Variants in GMEB1 observed in about 807,000 individuals in gnomAD.
The protein encoded by GMEB1 is glucocorticoid modulatory element-binding protein 1.
Under a neutral mutation model 52.4 loss-of-function variants are expected in GMEB1, and 6 were observed. The ratio of observed to expected loss-of-function variants is 0.11; its 90% CI spans 0.06 to 0.23. The LOEUF is 0.23. Ranked by LOEUF, GMEB1 falls within the 10% of genes least tolerant of loss-of-function variation. The pLI, the probability that GMEB1 is intolerant of heterozygous loss-of-function variation, is 1.00. For synonymous variants in GMEB1, 255 were observed against 244.9 expected, an observed-to-expected ratio of 1.04 and a Z score of -0.38; for missense variants, 486 against 685.6, an observed-to-expected ratio of 0.71 and a Z score of 3.25.
At chr1:28,675,679 CAAAAAAAAA>C (rs11316891) in intron 1 of GMEB1, among the ~76,000 whole-genome samples, 1 of 100,166 alleles carries the variant, frequency 1.0e-5, no homozygotes, top group African/African-American at 4.5e-5. Flanking sequence ...GACTCTGTCT[CAAAAAAAAA>C]AAAAAAAGAA....
At chr1:28,709,812 A>C (rs1670962549) in intron 8 of GMEB1, among the ~76,000 whole-genome samples, 1 of 152,032 alleles carries the variant, frequency 6.6e-6, no homozygotes, top group East Asian at 1.9e-4. Context: ...TTTTTGTTAG[A>C]GACTGGGATT....
chr1:28,683,569 C>T lies in GMEB1; in HGVS notation c.-30-14C>T, dbSNP rs753452184. 2 of 1,570,004 alleles carry T rather than the reference C, an allele frequency of 1.3e-6. No homozygotes were observed. Among genetic ancestry groups the T allele is most frequent in the South Asian group, 2.4e-5 (2 of 84,876 alleles). ...AAACCAGATTAAGTTATTGGTGCTT[C>T]TTGTTCCCGACAGCAGTCCCAGCTA... On this transcript the variant is annotated splice_polypyrimidine_tract_variant and intron_variant, in intron 1 of 9. Coordinates refer to ENST00000373816, the MANE Select transcript of GMEB1 (RefSeq NM_001319674.2).
Position 28,714,935 on chromosome 1 carries a change from C to T in GMEB1, c.*162C>T, listed in dbSNP as rs2124603870. ...AAATGTTGGGTTCTTCCCACTCCCTCATTGAAAAATGGACAAAACAAGCTG... is the reference window on the plus strand; with the variant it reads ...AAATGTTGGGTTCTTCCCACTCCCTTATTGAAAAATGGACAAAACAAGCTG... On this transcript the variant is annotated 3_prime_UTR_variant, in exon 10 of 10. Coordinates refer to ENST00000373816, the MANE Select transcript of GMEB1 (RefSeq NM_001319674.2). The T allele has an allele frequency of 3.3e-6, 2 of 603,562 alleles. No individual in the cohort carries two copies. Among genetic ancestry groups the T allele is most frequent in the Non-Finnish European group, 5.7e-6 (2 of 350,300 alleles). The allele number at this position is 603,562 out of a possible 1,614,324, so 37.4% of individuals were successfully genotyped here.
intron 8 of GMEB1, 148 bp downstream of exon 8, chr1:28,704,477 C>G: frequency 1.8e-6 from 1 of 562,398 alleles, no homozygotes; most frequent in Admixed American, 3.8e-5. Context: ...TAAGTTAAGT[C>G]ACTTGTCTAA....
chr1:28,683,593 T>C lies in GMEB1; in HGVS notation c.-20T>C. On this transcript the variant is annotated 5_prime_UTR_variant, in exon 2 of 10. Transcript: ENST00000373816. The stretch of plus-strand genomic sequence containing the variant: ...TCTTGTTCCCGACAGCAGTCCCAGC[T>C]ATCTGACTTCATGTGAAAGATGGCT... The C allele has an allele frequency of 6.3e-7, 1 of 1,589,244 alleles. No homozygotes were observed. The highest frequency in any genetic ancestry group is 1.1e-5 in the South Asian group (1 of 87,260).
intron 8 of GMEB1, among the ~76,000 whole-genome samples, chr1:28,710,192 CAG>C (rs1670980942): frequency 1.3e-5 from 2 of 152,168 alleles, no homozygotes; most frequent in East Asian, 1.9e-4. Context: ...TAAGTAGAGA[CAG>C]GGGTCTCACT....
intron 1 of GMEB1, among the ~76,000 whole-genome samples, chr1:28,679,063 T>C (rs1443107327): frequency 6.6e-6 from 1 of 151,990 alleles, no homozygotes; most frequent in Non-Finnish European, 1.5e-5. Flanking sequence ...AATTTTTGTA[T>C]TTTTAGCAGA....
rs1668728938 is a variant in GMEB1 at position 28,668,857 on chromosome 1, TGGGCGCGC to T, written c.-31+26_-31+33del. On this transcript the variant is annotated intron_variant, in intron 1 of 9. Coordinates refer to ENST00000373816, the MANE Select transcript of GMEB1 (RefSeq NM_001319674.2). Reference sequence around the variant, plus strand: ...CGGAGACGGTGAGGAGGGGGAGGGGTGGGCGCGCGGGCGCGGGGTGGGGTGGGGGCGGG... The same window carrying T: ...CGGAGACGGTGAGGAGGGGGAGGGGTGGGCGCGGGGTGGGGTGGGGGCGGG... 1 of 17,576 alleles carries T rather than the reference TGGGCGCGC, an allele frequency of 5.7e-5. No individual in the cohort carries two copies. The highest frequency in any genetic ancestry group is 5.6e-4 in the Admixed American group (1 of 1,774). 1.1% of individuals were successfully genotyped at this position (17,576 alleles called of 1,614,324 possible). A position where few individuals can be genotyped will look rare whatever the true frequency, so the allele number is the denominator to read the frequency against.
intron 8 of GMEB1, among the ~76,000 whole-genome samples, chr1:28,708,375 A>G (rs1352243412): frequency 6.6e-6 from 1 of 151,618 alleles, no homozygotes; most frequent in Non-Finnish European, 1.5e-5. Flanking sequence ...TGTGTTAGCC[A>G]GGATGGTCTC....
chr1:28,668,897 G>GGCGCGGGGGCC (rs1434585728), intron 1 of GMEB1, 58 bp downstream of exon 1: 2 of 143,934 alleles, frequency 1.4e-5, no homozygotes, highest in Non-Finnish European at 3.1e-5. Flanking sequence ...CGGGGGGGCG[G>GGCGCGGGGGCC]GCGCGGGGGC....
chr1:28,680,050 C>T (rs967493838), intron 1 of GMEB1, among the ~76,000 whole-genome samples: 7 of 151,994 alleles, frequency 4.6e-5, no homozygotes, highest in East Asian at 1.9e-4. Flanking sequence ...TCAGGTGATC[C>T]GCCTGCCTCG....
chr1:28,711,277 A>T (rs910084688), intron 9 of GMEB1, among the ~76,000 whole-genome samples: 1 of 143,382 alleles, frequency 7.0e-6, no homozygotes, highest in African/African-American at 2.5e-5. Context: ...CAAGAACGAG[A>T]CTCTGTCTCA....
intron 4 of GMEB1, 135 bp from the exon 5 acceptor site, chr1:28,692,807 G>A (rs1020841819): frequency 4.3e-6 from 2 of 466,454 alleles, no homozygotes; most frequent in East Asian, 3.4e-5. Context: ...AGTACAGGAG[G>A]TTGGATAATA....
intron 1 of GMEB1, among the ~76,000 whole-genome samples, chr1:28,678,108 C>G (rs988925455): frequency 2.0e-5 from 3 of 151,014 alleles, no homozygotes; most frequent in Admixed American, 6.6e-5. Flanking sequence ...TGCTTGAACC[C>G]GAGAGGTGGA....
chr1:28,715,997 G>A lies in GMEB1; in HGVS notation c.*1224G>A, dbSNP rs573174408. 3.1e-3 allele frequency: 468 copies of A among 152,538 alleles called. 4 individuals carry two copies. The highest frequency in any genetic ancestry group is 5.4e-3 in the Non-Finnish European group (371 of 68,240). 9.4% of individuals were successfully genotyped at this position (152,538 alleles called of 1,614,324 possible). ...GCCTGTAATCCCAGCTACTTGGGAG[G>A]CTGAGGCAGGAGAATTGCTTGAACC... On this transcript the variant is annotated 3_prime_UTR_variant, in exon 10 of 10. Coordinates refer to ENST00000373816, the MANE Select transcript of GMEB1 (RefSeq NM_001319674.2).
intron 6 of GMEB1, among the ~76,000 whole-genome samples, chr1:28,701,056 T>A (rs1291103329): frequency 6.6e-6 from 1 of 152,088 alleles, no homozygotes; most frequent in East Asian, 1.9e-4. Context: ...CTTGAGCATG[T>A]ACAGATTTGG....
intron 5 of GMEB1, among the ~76,000 whole-genome samples, chr1:28,693,277 G>A (rs1345668113): frequency 1.3e-5 from 2 of 151,314 alleles, no homozygotes. Flanking sequence ...GGAGTGCAGT[G>A]GCATGATCTT....
chr1:28,714,195 C>A lies in GMEB1; in HGVS notation c.1114C>A (p.Leu372Ile). The A allele has an allele frequency of 6.2e-7, 1 of 1,614,214 alleles. No homozygotes were observed. The highest frequency in any genetic ancestry group is 8.5e-7 in the Non-Finnish European group (1 of 1,180,030). The stretch of plus-strand genomic sequence containing the variant: ...TCCTAAGCCTCCAAAAAGGCCCCGG[C>A]TCCAGCGGCCAGCCTCCACCACTGT... Reference protein sequence around the residue: ...STPKPPKRPRLQRPASTTVLS... With the variant: ...STPKPPKRPRIQRPASTTVLS... The change falls in exon 10 of 10, where the codon CTC becomes ATC. Residue 372 changes from leucine (L) to isoleucine (I), a missense_variant. This residue lies in a region of GMEB1 where 200 missense variants were observed against 253.5 expected (regional missense o/e 0.79). Transcript: ENST00000373816.
At chr1:28,682,648 A>T (rs889068292) in intron 1 of GMEB1, among the ~76,000 whole-genome samples, 1 of 150,120 alleles carries the variant, frequency 6.7e-6, no homozygotes, top group Non-Finnish European at 1.5e-5. Flanking sequence ...AAAGTCTTAG[A>T]GGTCATACAG....
Sources: allele counts gnomAD v4.1 joint callset (sites outside exome capture counted in the v4.1 genomes callset), GRCh38; gene constraint gnomAD v4.1.1; regional missense constraint gnomAD v4.1.1; transcripts MANE v1.5; gene names NCBI Gene and HGNC (gene_info 2026-07-23, HGNC 2026-07-21).